Variants in CDH18 observed in about 807,000 individuals in gnomAD.
CDH18 encodes the protein cadherin-18.
Under a neutral mutation model 67.9 loss-of-function variants are expected in CDH18, and 31 were observed. That is an observed-to-expected ratio of 0.46 (90% CI 0.34 to 0.62). CDH18 has a LOEUF of 0.62. Ranked by LOEUF, CDH18 falls within the 20% of genes least tolerant of loss-of-function variation. The probability of loss-of-function intolerance (pLI) is 0.01; values close to 1 mark genes in which losing one functional copy is unlikely to be tolerated. For missense variants in CDH18, 890 were observed against 975.5 expected, an observed-to-expected ratio of 0.91 and a Z score of 1.17; for synonymous variants, 362 against 347.2, an observed-to-expected ratio of 1.04 and a Z score of -0.48.
At chr5:20,004,099 CAA>C (rs1381685641) in intron 2 of CDH18, among the ~76,000 whole-genome samples, 2 of 152,088 alleles carry the variant, frequency 1.3e-5, no homozygotes, top group Non-Finnish European at 2.9e-5. Flanking sequence ...GCTCGCAATC[CAA>C]ACTTCTAGGG....
chr5:20,376,605 C>T (rs915599418), intron 1 of CDH18, among the ~76,000 whole-genome samples: 3 of 151,104 alleles, frequency 2.0e-5, no homozygotes, highest in Admixed American at 1.3e-4. Context: ...AGAAAAGACG[C>T]TTAACTCTTT....
chr5:20,347,613 C>A (rs758933641), intron 1 of CDH18, among the ~76,000 whole-genome samples: 1 of 152,338 alleles, frequency 6.6e-6, no homozygotes, highest in South Asian at 2.1e-4. Context: ...CAGGGACTGT[C>A]CCAACTTAGG....
intron 5 of CDH18, among the ~76,000 whole-genome samples, chr5:19,703,714 AC>A (rs964045093): frequency 1.3e-5 from 2 of 150,322 alleles, no homozygotes; most frequent in African/African-American, 4.9e-5. Context: ...GGACACACAC[AC>A]CCCCTGCCCC....
chr5:19,594,167 G>A (rs890005951), intron 6 of CDH18, among the ~76,000 whole-genome samples: 2 of 151,722 alleles, frequency 1.3e-5, no homozygotes, highest in Admixed American at 6.6e-5. Context: ...GTTTTGTTTT[G>A]TTTTGTTTTT....
At chr5:19,717,782 T>C (rs1320073927) in intron 5 of CDH18, among the ~76,000 whole-genome samples, 1 of 152,020 alleles carries the variant, frequency 6.6e-6, no homozygotes, top group African/African-American at 2.4e-5. Flanking sequence ...AGTAAAATGT[T>C]TTCTTTAATA....
intron 3 of CDH18, among the ~76,000 whole-genome samples, chr5:19,750,955 A>G (rs1770763540): frequency 6.6e-6 from 1 of 152,088 alleles, no homozygotes; most frequent in South Asian, 2.1e-4. Context: ...ATCACATAAC[A>G]AAGTAGGCTA....
intron 1 of CDH18, among the ~76,000 whole-genome samples, chr5:20,514,348 A>C (rs1225396422): frequency 6.6e-6 from 1 of 152,070 alleles, no homozygotes; most frequent in Non-Finnish European, 1.5e-5. Context: ...GAACCAAGGG[A>C]TCATCTTAGA....
intron 2 of CDH18, among the ~76,000 whole-genome samples, chr5:20,182,764 A>G (rs955816223): frequency 2.0e-5 from 3 of 151,946 alleles, no homozygotes; most frequent in African/African-American, 7.2e-5. Context: ...GGCCCTCATC[A>G]GATACCAAAT....
chr5:20,329,030 A>G (rs1011437890), intron 1 of CDH18, among the ~76,000 whole-genome samples: 1 of 152,216 alleles, frequency 6.6e-6, no homozygotes, highest in Non-Finnish European at 1.5e-5. Flanking sequence ...AAAATAAACA[A>G]TATTAGCTAT....
At chr5:20,224,519 G>T (rs1741458303) in intron 2 of CDH18, among the ~76,000 whole-genome samples, 1 of 69,300 alleles carries the variant, frequency 1.4e-5, no homozygotes, top group African/African-American at 1.2e-4. Flanking sequence ...AAAATCCTTA[G>T]GTTTTTTTTT....
At chr5:19,526,103 T>C (rs933565168) in intron 9 of CDH18, among the ~76,000 whole-genome samples, 2 of 152,150 alleles carry the variant, frequency 1.3e-5, no homozygotes, top group Non-Finnish European at 2.9e-5. Context: ...TTATTTAATT[T>C]GTAAGCCTAT....
intron 2 of CDH18, among the ~76,000 whole-genome samples, chr5:20,068,235 T>G (rs1320440485): frequency 6.6e-6 from 1 of 152,086 alleles, no homozygotes; most frequent in African/African-American, 2.4e-5. Flanking sequence ...GTATAAATGT[T>G]TAATCATACA....
intron 1 of CDH18, among the ~76,000 whole-genome samples, chr5:20,448,134 T>C (rs1031742432): frequency 6.6e-6 from 1 of 151,840 alleles, no homozygotes; most frequent in African/African-American, 2.4e-5. Context: ...CCACCTATGA[T>C]TGAGAACATG....
intron 1 of CDH18, among the ~76,000 whole-genome samples, chr5:20,472,226 G>C (rs1030612837): frequency 6.6e-6 from 1 of 152,156 alleles, no homozygotes; most frequent in Non-Finnish European, 1.5e-5. Flanking sequence ...GGTTCAAGAG[G>C]TCTGGGTTTA....
chr5:20,302,587 C>G (rs1340190862), intron 1 of CDH18, among the ~76,000 whole-genome samples: 1 of 152,188 alleles, frequency 6.6e-6, no homozygotes, highest in African/African-American at 2.4e-5. Context: ...TTGGCCCAAT[C>G]ACACCTCAGG....
chr5:19,481,026 A>C (rs186846204), intron 12 of CDH18, among the ~76,000 whole-genome samples: 2 of 152,266 alleles, frequency 1.3e-5, no homozygotes, highest in East Asian at 3.9e-4. Flanking sequence ...TTGAACTTGT[A>C]AGCATCTTTT....
intron 2 of CDH18, among the ~76,000 whole-genome samples, chr5:20,127,053 C>A (rs1254817265): frequency 6.6e-6 from 1 of 152,084 alleles, no homozygotes; most frequent in Admixed American, 6.5e-5. Context: ...GTGTCCCCAC[C>A]CAAATCTCAC....
intron 3 of CDH18, among the ~76,000 whole-genome samples, chr5:19,811,824 A>G (rs1778774374): frequency 6.6e-6 from 1 of 152,188 alleles, no homozygotes. Context: ...AATCCTTCAC[A>G]CACACAGAAA....
chr5:19,587,654 C>CTTT (rs35589745), intron 7 of CDH18, among the ~76,000 whole-genome samples: 4 of 148,488 alleles, frequency 2.7e-5, no homozygotes, highest in African/African-American at 7.4e-5. Flanking sequence ...GTCTGTGTGT[C>CTTT]TTTTTTTTTT....
Sources: gnomAD v4.1 joint callset for allele counts (sites outside exome capture counted in the v4.1 genomes callset) on GRCh38, gnomAD v4.1.1 for gene constraint, MANE v1.5 for transcripts, NCBI Gene and HGNC (gene_info 2026-07-23, HGNC 2026-07-21) for gene names.